The following CERT1 variants were observed in gnomAD, a reference collection of about 807,000 sequenced individuals.
The protein encoded by CERT1 is ceramide transfer protein.
CERT1 carries 31 observed loss-of-function variants against 87.9 expected under a neutral mutation model. The ratio of observed to expected loss-of-function variants is 0.35; its 90% CI spans 0.27 to 0.48. The LOEUF is 0.48. Among genes scored for constraint, CERT1 ranks in the 20% least tolerant of loss-of-function variants. CERT1 has a pLI of 0.99. For synonymous variants in CERT1, 289 were observed against 250.9 expected (o/e 1.15, Z -1.44); for missense variants, 487 against 758.0 (o/e 0.64, Z 4.20).
intron 2 of CERT1, among the ~76,000 whole-genome samples, chr5:75,461,170 G>T (rs755966811): frequency 2.6e-5 from 4 of 152,172 alleles, no homozygotes; most frequent in Non-Finnish European, 5.9e-5. Flanking sequence ...ACCCGTGCCA[G>T]TCCATGGGCT....
downstream of CERT1, chr5:75,376,693 T>C (rs1761330273): frequency 6.6e-6 from 1 of 152,206 alleles, no homozygotes; most frequent in Non-Finnish European, 1.5e-5. Context: ...AGGGTAAGGC[T>C]ATATTCCAAA....
chr5:75,485,625 T>C (rs1766486677), intron 2 of CERT1, among the ~76,000 whole-genome samples: 1 of 151,498 alleles, frequency 6.6e-6, no homozygotes, highest in South Asian at 2.1e-4. Flanking sequence ...ATCAACAACC[T>C]AAGAAAAAGA....
At chr5:75,466,438 C>A (rs1765458956) in intron 2 of CERT1, among the ~76,000 whole-genome samples, 1 of 152,192 alleles carries the variant, frequency 6.6e-6, no homozygotes, top group Admixed American at 6.5e-5. Flanking sequence ...ATTTCCTTTA[C>A]AGATTAGTGG....
chr5:75,374,958 G>T, downstream of CERT1: 1 of 248,666 alleles, frequency 4.0e-6, no homozygotes, highest in South Asian at 4.7e-5. Flanking sequence ...GTGACACAGT[G>T]TATTTTCATG....
In CERT1 at chr5:75,432,054, C is replaced by G. The variant is rs1026780610; in HGVS notation, c.349-5576G>C. ...ACCAGCAGTGTATAAACATTCCCCC[C>G]CCCTTTTTTTTTTTTGAGATGAAGA... On this transcript the variant is annotated intron_variant, in intron 3 of 16. Transcript: ENST00000643780. Among the ~76,000 whole-genome samples, 34 of 150,624 alleles carry G rather than the reference C, an allele frequency of 2.3e-4. 1 individual carries two copies. The highest frequency in any genetic ancestry group is 4.4e-4 in the Non-Finnish European group (30 of 67,786).
intron 14 of CERT1, 127 bp downstream of exon 14, chr5:75,384,515 C>T: frequency 1.6e-6 from 1 of 613,154 alleles, no homozygotes; most frequent in Non-Finnish European, 2.9e-6. Flanking sequence ...ATTCATGAAT[C>T]ATTATTTAAT....
At chr5:75,380,940 T>C in intron 16 of CERT1, 132 bp downstream of exon 16, 2 of 923,594 alleles carry the variant, frequency 2.2e-6, no homozygotes, top group Non-Finnish European at 3.3e-6. Flanking sequence ...AATTCTGATA[T>C]ACCTTTCTCC....
At chr5:75,492,883 G>A (rs1358050439) in intron 2 of CERT1, among the ~76,000 whole-genome samples, 3 of 152,180 alleles carry the variant, frequency 2.0e-5, no homozygotes, top group Non-Finnish European at 4.4e-5. Flanking sequence ...ACTTTAGGAC[G>A]CATCAGAATC....
At chr5:75,385,424 G>A (rs759225689) in intron 13 of CERT1, among the ~76,000 whole-genome samples, 1 of 152,214 alleles carries the variant, frequency 6.6e-6, no homozygotes, top group Non-Finnish European at 1.5e-5. Context: ...AGCGAGCTGA[G>A]ATCATACCAC....
chr5:75,509,679 T>C (rs1767826621), intron 1 of CERT1, among the ~76,000 whole-genome samples: 1 of 152,144 alleles, frequency 6.6e-6, no homozygotes, highest in African/African-American at 2.4e-5. Context: ...ATTTGTTTCG[T>C]AAAATACTTA....
At chr5:75,430,310 G>A (rs1363150382) in intron 3 of CERT1, among the ~76,000 whole-genome samples, 2 of 152,060 alleles carry the variant, frequency 1.3e-5, no homozygotes, top group African/African-American at 4.8e-5. Flanking sequence ...TTAAGACAAG[G>A]TGGAATCAAA....
chr5:75,368,871 T>C (rs1414194320), intron 17 of CERT1: 3 of 152,196 alleles, frequency 2.0e-5, no homozygotes, highest in Non-Finnish European at 4.4e-5. Flanking sequence ...GATGTGGCTA[T>C]GTGCTGATAA....
intron 2 of CERT1, among the ~76,000 whole-genome samples, chr5:75,489,170 G>A (rs560558091): frequency 8.9e-4 from 136 of 152,282 alleles, no homozygotes; most frequent in Middle Eastern, 3.4e-3. Context: ...TTAATAAATG[G>A]TGTTGGGAAA....
At chr5:75,502,311 T>C (rs1182789075) in intron 2 of CERT1, among the ~76,000 whole-genome samples, 1 of 152,120 alleles carries the variant, frequency 6.6e-6, no homozygotes, top group Non-Finnish European at 1.5e-5. Context: ...CCTCAATACT[T>C]GCGGGTAAGG....
chr5:75,498,022 T>G (rs1462662291), intron 2 of CERT1, among the ~76,000 whole-genome samples: 2 of 152,168 alleles, frequency 1.3e-5, no homozygotes, highest in Admixed American at 1.3e-4. Context: ...TGGCCTCAGA[T>G]GGAGATGCAG....
chr5:75,461,424 T>A (rs1765223647), intron 2 of CERT1, among the ~76,000 whole-genome samples: 1 of 152,184 alleles, frequency 6.6e-6, no homozygotes, highest in South Asian at 2.1e-4. Context: ...GGAAAAATTG[T>A]CTTTCATGAA....
chr5:75,409,831 G>GTT (rs150553834), intron 8 of CERT1, among the ~76,000 whole-genome samples: 10,932 of 137,732 alleles, frequency 0.079, 503 homozygotes, highest in South Asian at 0.17. Flanking sequence ...TGGCCAACAC[G>GTT]TTTTTTTTTT....
At chr5:75,507,640 G>A (rs1029813692) in intron 1 of CERT1, among the ~76,000 whole-genome samples, 1 of 152,172 alleles carries the variant, frequency 6.6e-6, no homozygotes, top group African/African-American at 2.4e-5. Context: ...TGGGGAGACT[G>A]CTACTTCTGC....
intron 6 of CERT1, among the ~76,000 whole-genome samples, 179 bp downstream of exon 6, chr5:75,419,162 C>T (rs1012410979): frequency 6.6e-6 from 1 of 152,130 alleles, no homozygotes; most frequent in Non-Finnish European, 1.5e-5. Context: ...TAAAAGTTAC[C>T]ATTATTACAT....
Sources: allele counts gnomAD v4.1 joint callset (sites outside exome capture counted in the v4.1 genomes callset), GRCh38; gene constraint gnomAD v4.1.1; transcripts MANE v1.5; gene names NCBI Gene and HGNC (gene_info 2026-07-23, HGNC 2026-07-21).